Variants in CCDC138 observed in about 807,000 individuals in gnomAD.
CCDC138 encodes the protein coiled-coil domain-containing protein 138.
CCDC138 carries 66 observed loss-of-function variants against 82.3 expected under a neutral mutation model. The observed-to-expected ratio is 0.80, with a 90% CI of 0.66 to 0.98. The LOEUF is 0.98. CCDC138 is among the 50% of genes least tolerant of loss of function. CCDC138 has a pLI of 0.00. For synonymous variants in CCDC138, 297 were observed against 265.4 expected (o/e 1.12, Z -1.16); for missense variants, 816 against 758.9 (o/e 1.08, Z -0.88).
intron 10 of CCDC138, among the ~76,000 whole-genome samples, chr2:108,817,601 T>C (rs1187282339): frequency 6.6e-6 from 1 of 152,136 alleles, no homozygotes. Context: ...ATCAGATATC[T>C]TCTGGAAGCT....
At chr2:108,788,787 C>G (rs2149385319) in intron 2 of CCDC138, 65 bp from the exon 3 acceptor site, 1 of 1,596,820 alleles carries the variant, frequency 6.3e-7, no homozygotes, top group South Asian at 1.1e-5. Context: ...AGACTTATGG[C>G]CAGTGCCAGA....
chr2:108,816,188 C>A, intron 10 of CCDC138, 83 bp downstream of exon 10: 4 of 993,606 alleles, frequency 4.0e-6, no homozygotes, highest in Non-Finnish European at 4.5e-6. Flanking sequence ...CAGTGGCTCA[C>A]GTCTATAATC....
At chr2:108,853,952 AAAT>A in intron 12 of CCDC138, among the ~76,000 whole-genome samples, 5 of 119,824 alleles carry the variant, frequency 4.2e-5, no homozygotes, top group African/African-American at 1.6e-4. Context: ...AATATACAAT[AAAT>A]ATATATAATA....
At chr2:108,836,546 T>C (rs2150371220) in intron 10 of CCDC138, among the ~76,000 whole-genome samples, 1 of 152,348 alleles carries the variant, frequency 6.6e-6, no homozygotes, top group South Asian at 2.1e-4. Flanking sequence ...GATCATTTGA[T>C]AGTTCTATTT....
Position 108,812,899 on chromosome 2 carries a change from A to G in CCDC138, c.1013A>G (p.Glu338Gly), listed in dbSNP as rs141817899. Reference protein sequence around the residue: ...AVHEMKSLKQEKAPVSKTYKV... With the variant: ...AVHEMKSLKQGKAPVSKTYKV... ...CATGAAATGAAAAGTTTAAAACAAG[A>G]AAAAGCACCAGTTTCAAAAACTTAC... The change falls in exon 9 of 15, where the codon GAA (glutamate) becomes GGA (glycine). Residue 338 changes from glutamate to glycine, a missense_variant. Physicochemically the swap from Glu to Gly is moderately conservative, Grantham distance 98. Transcript: ENST00000295124. 6.2e-7 allele frequency: 1 copy of G among 1,613,714 alleles called. No individual in the cohort carries two copies. The highest frequency in any genetic ancestry group is 1.1e-5 in the South Asian group (1 of 91,026).
At chr2:108,857,504 C>G (rs567471592) in intron 13 of CCDC138, among the ~76,000 whole-genome samples, 3 of 152,316 alleles carry the variant, frequency 2.0e-5, no homozygotes, top group African/African-American at 7.2e-5. Flanking sequence ...AAAGCCACAT[C>G]TCTGACTCTA....
chr2:108,858,030 T>C (rs1481315634), intron 13 of CCDC138, among the ~76,000 whole-genome samples: 1 of 152,220 alleles, frequency 6.6e-6, no homozygotes, highest in Non-Finnish European at 1.5e-5. Flanking sequence ...CAGTCACATT[T>C]GTTTACCATT....
At chr2:108,863,014 G>C (rs1418706696) in intron 13 of CCDC138, among the ~76,000 whole-genome samples, 1 of 152,114 alleles carries the variant, frequency 6.6e-6, no homozygotes, top group Non-Finnish European at 1.5e-5. Context: ...CATTAAACTT[G>C]TTCTACACAT....
intron 7 of CCDC138, among the ~76,000 whole-genome samples, chr2:108,811,000 A>G (rs561926772): frequency 2.5e-4 from 38 of 152,058 alleles, no homozygotes; most frequent in African/African-American, 8.4e-4. Context: ...TGTAGTCTCT[A>G]GTGATCCTTG....
chr2:108,796,454 G>A (rs1265072724), intron 5 of CCDC138, among the ~76,000 whole-genome samples: 4 of 152,124 alleles, frequency 2.6e-5, no homozygotes, highest in Admixed American at 6.6e-5. Context: ...TAGAACTACC[G>A]TATGATCCAG....
chr2:108,839,075 C>CTTTTG (rs778423608), intron 10 of CCDC138, 110 bp from the exon 11 acceptor site: 2 of 1,187,348 alleles, frequency 1.7e-6, no homozygotes, highest in African/African-American at 3.1e-5. Flanking sequence ...TTGGAGAACT[C>CTTTTG]TTTTGTTTTG....
At chr2:108,850,955 C>G (rs531830148) in intron 12 of CCDC138, among the ~76,000 whole-genome samples, 110 of 152,296 alleles carry the variant, frequency 7.2e-4, no homozygotes, top group African/African-American at 2.0e-3. Flanking sequence ...AGTGTCAGAT[C>G]CCACAAGTTG....
chr2:108,826,539 C>A (rs1212984756), intron 10 of CCDC138, among the ~76,000 whole-genome samples: 3 of 152,086 alleles, frequency 2.0e-5, no homozygotes, highest in Admixed American at 1.3e-4. Context: ...TGTTTCGGTA[C>A]CATGTTGAAA....
chr2:108,857,066 CTTTTT>C, intron 13 of CCDC138, 96 bp downstream of exon 13: 646 of 41,860 alleles, frequency 0.015, no homozygotes, highest in South Asian at 0.05. Flanking sequence ...GATACTATTG[CTTTTT>C]TTTTTTTTTT....
At chr2:108,843,239 C>A (rs531567673) in intron 11 of CCDC138, among the ~76,000 whole-genome samples, 100 of 152,264 alleles carry the variant, frequency 6.6e-4, no homozygotes, top group African/African-American at 2.2e-3. Flanking sequence ...CTCACTGCAA[C>A]CTCCGTCTGC....
chr2:108,814,975 C>G (rs1330314366), intron 9 of CCDC138, among the ~76,000 whole-genome samples: 1 of 151,916 alleles, frequency 6.6e-6, no homozygotes, highest in East Asian at 1.9e-4. Context: ...TAGTTCCCTC[C>G]TTAAGGTGGA....
At chr2:108,794,846 G>A (rs938805834) in intron 5 of CCDC138, 125 bp downstream of exon 5, 18 of 723,714 alleles carry the variant, frequency 2.5e-5, no homozygotes, top group South Asian at 2.5e-4. Context: ...AGAGAAGGAC[G>A]GAAGGGGACA....
intron 10 of CCDC138, among the ~76,000 whole-genome samples, chr2:108,819,546 G>A (rs1026930191): frequency 1.3e-5 from 2 of 152,170 alleles, no homozygotes; most frequent in African/African-American, 2.4e-5. Context: ...GGGACACAGC[G>A]ATTATGGGTT....
At chr2:108,794,845 C>A in intron 5 of CCDC138, 124 bp downstream of exon 5, 2 of 736,556 alleles carry the variant, frequency 2.7e-6, no homozygotes, top group Non-Finnish European at 2.1e-6. Flanking sequence ...AAGAGAAGGA[C>A]GGAAGGGGAC....
Sources: gnomAD v4.1 joint callset for allele counts (sites outside exome capture counted in the v4.1 genomes callset) on GRCh38, gnomAD v4.1.1 for gene constraint, MANE v1.5 for transcripts, NCBI Gene and HGNC (gene_info 2026-07-23, HGNC 2026-07-21) for gene names.